Variants in ST6GALNAC3 observed in about 807,000 individuals in gnomAD.
ST6GALNAC3 encodes the protein ST6 N-acetylgalactosaminide alpha-2,6-sialyltransferase 3, also known as alpha-N-acetylgalactosaminide alpha-2,6-sialyltransferase 3.
ST6GALNAC3 carries 25 observed loss-of-function variants against 32.7 expected under a neutral mutation model. That is an observed-to-expected ratio of 0.76 (90% CI 0.56 to 1.07). The LOEUF is 1.07. Ranked by LOEUF, ST6GALNAC3 falls within the 50% of genes least tolerant of loss-of-function variation. The pLI, the probability that ST6GALNAC3 is intolerant of heterozygous loss-of-function variation, is 0.00. For missense variants in ST6GALNAC3, 355 were observed against 382.4 expected (o/e 0.93, Z 0.60); for synonymous variants, 129 against 133.1 (o/e 0.97, Z 0.21).
At chr1:76,415,808 T>G (rs1355463375) in intron 3 of ST6GALNAC3, among the ~76,000 whole-genome samples, 1 of 152,114 alleles carries the variant, frequency 6.6e-6, no homozygotes, top group Non-Finnish European at 1.5e-5. Flanking sequence ...TGGTCTTTGT[T>G]TCTTGGGCTT....
Position 76,499,472 on chromosome 1 carries a change from C to T in ST6GALNAC3, c.623+87055C>T, listed in dbSNP as rs182243510. 3.4e-3 allele frequency among the ~76,000 whole-genome samples: 519 copies of T among 152,214 alleles called. 1 individual carries two copies. The highest frequency in any genetic ancestry group is 7.1e-3 in the Admixed American group (109 of 15,270). Reference sequence around the variant, plus strand: ...ATTAATCCCCTCTCTTAGCTTCCTCCACAGCTGGTCTTTTTATCTTTCAGG... The same window carrying T: ...ATTAATCCCCTCTCTTAGCTTCCTCTACAGCTGGTCTTTTTATCTTTCAGG... On this transcript the variant is annotated intron_variant, in intron 3 of 4. Coordinates refer to ENST00000328299, the MANE Select transcript of ST6GALNAC3 (RefSeq NM_152996.4).
chr1:76,494,470 C>CACAT (rs1660705396), intron 3 of ST6GALNAC3, among the ~76,000 whole-genome samples: 1 of 76,334 alleles, frequency 1.3e-5, no homozygotes, highest in Admixed American at 1.2e-4. Context: ...TATATATATA[C>CACAT]ACACACACAC....
At chr1:76,605,546 A>G (rs1647475451) in intron 3 of ST6GALNAC3, among the ~76,000 whole-genome samples, 1 of 151,954 alleles carries the variant, frequency 6.6e-6, no homozygotes. Context: ...ATTTACAAGA[A>G]AAAAAAACAA....
intron 3 of ST6GALNAC3, among the ~76,000 whole-genome samples, chr1:76,537,378 A>G (rs1364279622): frequency 6.6e-6 from 1 of 152,204 alleles, no homozygotes. Context: ...AGCTAAAAAG[A>G]TCTCAAATTG....
chr1:76,445,584 G>A (rs1361256496), intron 3 of ST6GALNAC3, among the ~76,000 whole-genome samples: 1 of 152,104 alleles, frequency 6.6e-6, no homozygotes, highest in Non-Finnish European at 1.5e-5. Context: ...GTACTATTGT[G>A]ACATGCTTTT....
chr1:76,543,725 C>T (rs1227225709), intron 3 of ST6GALNAC3, among the ~76,000 whole-genome samples: 1 of 152,126 alleles, frequency 6.6e-6, no homozygotes, highest in Non-Finnish European at 1.5e-5. Context: ...CTCACAAAGG[C>T]CATTTGCATA....
chr1:76,622,634 CA>C lies in ST6GALNAC3; in HGVS notation c.624-4815del, dbSNP rs966197338. On this transcript the variant is annotated intron_variant, in intron 3 of 4. Coordinates refer to ENST00000328299, the MANE Select transcript of ST6GALNAC3 (RefSeq NM_152996.4). ...ACTGCACAGGACAGCCACTGCACAA[CA>C]AAGAGTTATCCTGTCCAAAATGTTA... is the stretch of plus-strand genomic sequence containing the variant. 1.1e-4 allele frequency among the ~76,000 whole-genome samples: 16 copies of C among 152,050 alleles called. No homozygotes were observed. The East Asian group carries it at 1.4e-3, about 13-fold the overall frequency.
At position 76,629,166 on chromosome 1, in the gene ST6GALNAC3, A is replaced by G. The variant is rs989024902; in HGVS notation, c.*360A>G. The stretch of plus-strand genomic sequence containing the variant: ...AACAGTGAGTAACTTCCAGAAGCCA[A>G]AAGAGTTTGGCTTCATGAGGCAAGG... On this transcript the variant is annotated 3_prime_UTR_variant, in exon 5 of 5. Transcript: ENST00000328299. The G allele has an allele frequency of 8.8e-6, 9 of 1,023,788 alleles. No individual in the cohort carries two copies. Among genetic ancestry groups the G allele is most frequent in the African/African-American group, 8.7e-5 (5 of 57,682 alleles). 63.4% of individuals were successfully genotyped at this position (1,023,788 alleles called of 1,614,324 possible). A position where few individuals can be genotyped will look rare whatever the true frequency, so the allele number is the denominator to read the frequency against.
intron 3 of ST6GALNAC3, among the ~76,000 whole-genome samples, chr1:76,530,871 A>G (rs548262116): frequency 1.3e-5 from 2 of 152,328 alleles, no homozygotes; most frequent in East Asian, 3.9e-4. Context: ...AGTCAAGACA[A>G]CAAGGCCAGG....
At chr1:76,301,678 C>T (rs1660733091) in intron 1 of ST6GALNAC3, among the ~76,000 whole-genome samples, 2 of 151,832 alleles carry the variant, frequency 1.3e-5, no homozygotes, top group South Asian at 2.1e-4. Context: ...GTTTAACATG[C>T]ATGTTTCACT....
chr1:76,221,250 C>T (rs1330977101), intron 1 of ST6GALNAC3, among the ~76,000 whole-genome samples: 1 of 152,138 alleles, frequency 6.6e-6, no homozygotes, highest in African/African-American at 2.4e-5. Context: ...GATTAATTTC[C>T]TAAGAAACCT....
chr1:76,156,613 C>A (rs1195955083), intron 1 of ST6GALNAC3, among the ~76,000 whole-genome samples: 5 of 151,842 alleles, frequency 3.3e-5, no homozygotes, highest in Non-Finnish European at 7.4e-5. Context: ...CCCATCATTG[C>A]GGGTTTTTGT....
At chr1:76,429,956 T>C (rs1655642372) in intron 3 of ST6GALNAC3, among the ~76,000 whole-genome samples, 1 of 152,144 alleles carries the variant, frequency 6.6e-6, no homozygotes, top group Admixed American at 6.6e-5. Context: ...CTTCCATAAG[T>C]CAACCATCAC....
At chr1:76,107,639 T>C (rs1310016914) in intron 1 of ST6GALNAC3, among the ~76,000 whole-genome samples, 2 of 152,226 alleles carry the variant, frequency 1.3e-5, no homozygotes, top group African/African-American at 4.8e-5. Flanking sequence ...CAGTGTGAGC[T>C]TTTTGCGATT....
intron 3 of ST6GALNAC3, among the ~76,000 whole-genome samples, chr1:76,446,484 A>C (rs753279768): frequency 1.3e-5 from 2 of 152,188 alleles, no homozygotes; most frequent in Non-Finnish European, 2.9e-5. Flanking sequence ...TGTTCTGCCT[A>C]TTCAGCCCTC....
intron 1 of ST6GALNAC3, among the ~76,000 whole-genome samples, chr1:76,236,467 G>A (rs879439800): frequency 2.6e-5 from 4 of 152,162 alleles, no homozygotes; most frequent in Non-Finnish European, 5.9e-5. Context: ...ATGTCTTAAA[G>A]GATAACAACA....
chr1:76,144,369 A>G (rs973316433), intron 1 of ST6GALNAC3, among the ~76,000 whole-genome samples: 1 of 152,148 alleles, frequency 6.6e-6, no homozygotes, highest in African/African-American at 2.4e-5. Context: ...AAGAAAACAG[A>G]CCTAACCACT....
rs562670516 is a variant in ST6GALNAC3, at chr1:76,117,005, A to G, written c.18+42121A>G. ...TATTCCTGGGCTCTCCACATGCTCC[A>G]GGCACTGGTTCCAGACCTTTCCAAC... On this transcript the variant is annotated intron_variant, in intron 1 of 4. Transcript: ENST00000328299. Among the ~76,000 whole-genome samples the G allele has an allele frequency of 5.3e-5, 8 of 152,300 alleles. 1 individual carries two copies. In the South Asian group the frequency reaches 8.3e-4, roughly 16 times the overall value.
At chr1:76,576,082 C>T (rs1646801503) in intron 3 of ST6GALNAC3, among the ~76,000 whole-genome samples, 1 of 151,948 alleles carries the variant, frequency 6.6e-6, no homozygotes, top group Non-Finnish European at 1.5e-5. Flanking sequence ...TTTCTCTAAA[C>T]AGGGAACAGG....
Sources: allele counts gnomAD v4.1 joint callset (sites outside exome capture counted in the v4.1 genomes callset), GRCh38; gene constraint gnomAD v4.1.1; transcripts MANE v1.5; gene names NCBI Gene and HGNC (gene_info 2026-07-23, HGNC 2026-07-21).